Variants in SEM1 observed in about 807,000 individuals in gnomAD.
SEM1 encodes 26S proteasome complex subunit SEM1.
Under a neutral mutation model 12.7 loss-of-function variants are expected in SEM1, and 3 were observed. The ratio of observed to expected loss-of-function variants is 0.24; its 90% CI spans 0.11 to 0.61. SEM1 has a LOEUF of 0.61. Among genes scored for constraint, SEM1 ranks in the 20% least tolerant of loss-of-function variants. The probability of loss-of-function intolerance (pLI) is 0.88; values close to 1 mark genes in which losing one functional copy is unlikely to be tolerated. For synonymous variants in SEM1, 30 were observed against 27.8 expected, an observed-to-expected ratio of 1.08 and a Z score of -0.25; for missense variants, 59 against 81.3, an observed-to-expected ratio of 0.73 and a Z score of 1.06.
intron 2 of SEM1, among the ~76,000 whole-genome samples, chr7:96,639,017 A>G (rs1161413437): frequency 6.6e-6 from 1 of 151,986 alleles, no homozygotes; most frequent in Non-Finnish European, 1.5e-5. Flanking sequence ...TTGAATGAAT[A>G]TATGAGCAGA....
intron 2 of SEM1, among the ~76,000 whole-genome samples, chr7:96,631,629 A>G (rs771850286): frequency 2.0e-5 from 3 of 152,236 alleles, no homozygotes; most frequent in Non-Finnish European, 2.9e-5. Flanking sequence ...AATACCTTTC[A>G]GGACATAGGC....
intron 1 of SEM1, 31 bp downstream of exon 1, chr7:96,709,657 C>A (rs767894806): frequency 1.2e-6 from 2 of 1,606,326 alleles, no homozygotes; most frequent in East Asian, 4.5e-5. Context: ...TCACCGTTCG[C>A]GCGACACAGA....
intron 2 of SEM1, among the ~76,000 whole-genome samples, chr7:96,532,647 T>G (rs1563049527): frequency 5.9e-5 from 9 of 152,158 alleles, no homozygotes. Context: ...ATAACATGCT[T>G]AGCCAGGGTG....
At chr7:96,492,585 ATTTTTTTT>A (rs59252542) in intron 1 of SEM1, among the ~76,000 whole-genome samples, 7 of 79,674 alleles carry the variant, frequency 8.8e-5, no homozygotes, top group African/African-American at 2.6e-4. Context: ...AATTTTTTGT[ATTTTTTTT>A]TTTTTTTTTT....
At chr7:96,559,470 A>G (rs1805627016) in intron 2 of SEM1, among the ~76,000 whole-genome samples, 1 of 151,822 alleles carries the variant, frequency 6.6e-6, no homozygotes, top group Non-Finnish European at 1.5e-5. Context: ...TTTGGTAGAG[A>G]TGGGGTTTCA....
intron 2 of SEM1, chr7:96,558,146 TTCTGCG>T (rs1337177801): frequency 6.5e-6 from 1 of 153,252 alleles, no homozygotes; most frequent in East Asian, 1.9e-4. Flanking sequence ...ATCACCCATC[TTCTGCG>T]TCGCTCACGC....
intron 2 of SEM1, among the ~76,000 whole-genome samples, chr7:96,593,447 C>T (rs530409995): frequency 6.6e-6 from 1 of 152,308 alleles, no homozygotes; most frequent in African/African-American, 2.4e-5. Flanking sequence ...AAACATTTCT[C>T]TTACAGCCAC....
intron 2 of SEM1, among the ~76,000 whole-genome samples, chr7:96,532,933 T>C (rs952521191): frequency 1.3e-5 from 2 of 152,078 alleles, no homozygotes; most frequent in Non-Finnish European, 2.9e-5. Context: ...TCTCCTGAAC[T>C]GCACTTGCTA....
At chr7:96,556,180 G>A (rs1360284778) in intron 2 of SEM1, among the ~76,000 whole-genome samples, 1 of 151,962 alleles carries the variant, frequency 6.6e-6, no homozygotes, top group Non-Finnish European at 1.5e-5. Flanking sequence ...GGAGCATTTA[G>A]TCCATTTACA....
chr7:96,494,083 G>A (rs1460066543), intron 1 of SEM1, among the ~76,000 whole-genome samples: 3 of 152,120 alleles, frequency 2.0e-5, no homozygotes, highest in Non-Finnish European at 4.4e-5. Flanking sequence ...AGTTATCAGA[G>A]CCCTTAGGAA....
chr7:96,604,519 T>A (rs781032470), intron 2 of SEM1, among the ~76,000 whole-genome samples: 6 of 152,176 alleles, frequency 3.9e-5, no homozygotes, highest in Non-Finnish European at 1.5e-5. Context: ...ACATGCTTTG[T>A]AAGTATTCCA....
chr7:96,585,291 G>A (rs1201863819), intron 2 of SEM1, among the ~76,000 whole-genome samples: 2 of 152,304 alleles, frequency 1.3e-5, no homozygotes, highest in East Asian at 1.9e-4. Context: ...AGGGGTCAGG[G>A]GTCAGGGACC....
intron 2 of SEM1, among the ~76,000 whole-genome samples, chr7:96,508,416 G>A (rs1221119318): frequency 2.6e-5 from 4 of 152,112 alleles, no homozygotes; most frequent in African/African-American, 9.7e-5. Context: ...GGCAGGGCAG[G>A]AAGCAGTTTG....
intron 2 of SEM1, among the ~76,000 whole-genome samples, chr7:96,659,697 G>C (rs140098183): frequency 1.1e-3 from 173 of 152,142 alleles, no homozygotes; most frequent in African/African-American, 4.1e-3. Flanking sequence ...TTTTCCCAGT[G>C]AAAAACTATT....
chr7:96,509,281 C>G (rs1355291825), intron 2 of SEM1, among the ~76,000 whole-genome samples: 1 of 151,104 alleles, frequency 6.6e-6, no homozygotes, highest in Non-Finnish European at 1.5e-5. Context: ...GCTGGGATTA[C>G]AGGAGTGAGC....
At chr7:96,502,732 A>G (rs961973479) in intron 3 of SEM1, among the ~76,000 whole-genome samples, 7 of 152,204 alleles carry the variant, frequency 4.6e-5, no homozygotes, top group South Asian at 2.1e-4. Flanking sequence ...CAACGATTTC[A>G]TGCTCAAATT....
intron 2 of SEM1, among the ~76,000 whole-genome samples, chr7:96,507,991 A>G (rs574949855): frequency 5.5e-4 from 83 of 152,120 alleles, no homozygotes; most frequent in African/African-American, 2.0e-3. Flanking sequence ...TGTGTTCTCT[A>G]TCACCCTTCG....
intron 2 of SEM1, among the ~76,000 whole-genome samples, chr7:96,523,194 T>G (rs1187744994): frequency 6.6e-6 from 1 of 152,152 alleles, no homozygotes; most frequent in Non-Finnish European, 1.5e-5. Context: ...TCTCTATATA[T>G]TTTTGCTTGC....
intron 2 of SEM1, among the ~76,000 whole-genome samples, chr7:96,664,893 G>A (rs188257710): frequency 9.0e-4 from 137 of 152,232 alleles, no homozygotes; most frequent in African/African-American, 3.1e-3. Context: ...ACAGATACAC[G>A]AAATAAAATG....
Sources: allele counts gnomAD v4.1 joint callset (sites outside exome capture counted in the v4.1 genomes callset), GRCh38; gene constraint gnomAD v4.1.1; transcripts MANE v1.5; gene names NCBI Gene and HGNC (gene_info 2026-07-23, HGNC 2026-07-21).